The following GALNT15 variants were observed in gnomAD, a reference collection of about 807,000 sequenced individuals.
The protein encoded by GALNT15 is polypeptide N-acetylgalactosaminyltransferase 15.
Under a neutral mutation model 66.8 loss-of-function variants are expected in GALNT15, and 67 were observed. That is an observed-to-expected ratio of 1.00 (90% CI 0.82 to 1.23). The LOEUF is 1.23. Among genes scored for constraint, GALNT15 ranks in the 50% most tolerant of loss-of-function variants. The pLI, the probability that GALNT15 is intolerant of heterozygous loss-of-function variation, is 0.00. For missense variants in GALNT15, 827 were observed against 804.3 expected, an observed-to-expected ratio of 1.03 and a Z score of -0.34; for synonymous variants, 313 against 311.5, an observed-to-expected ratio of 1.00 and a Z score of -0.05.
downstream of GALNT15, among the ~76,000 whole-genome samples, chr3:16,234,198 A>G (rs566688910): frequency 1.4e-4 from 21 of 152,240 alleles, no homozygotes; most frequent in South Asian, 4.1e-3. Flanking sequence ...ATCCTCTAAC[A>G]CCAGAGGCTA....
intron 6 of GALNT15, among the ~76,000 whole-genome samples, chr3:16,214,703 A>G (rs1414932367): frequency 6.6e-6 from 1 of 152,158 alleles, no homozygotes; most frequent in Non-Finnish European, 1.5e-5. Context: ...AGAGTGATTC[A>G]TCCTAGACAG....
chr3:16,225,670 G>A lies in GALNT15; in HGVS notation c.1774-1684G>A, dbSNP rs549654443. Among the ~76,000 whole-genome samples the A allele has an allele frequency of 6.6e-6, 1 of 152,010 alleles. No homozygotes were observed. Among genetic ancestry groups the A allele is most frequent in the Non-Finnish European group, 1.5e-5 (1 of 68,014 alleles). On this transcript the variant is annotated intron_variant, in intron 9 of 9. Coordinates refer to ENST00000339732, the MANE Select transcript of GALNT15 (RefSeq NM_054110.5). The surrounding 1 kb of genome is among the most constrained non-coding windows in gnomAD (Gnocchi z 4.4). ...AGATCGTGCCACTGTACTCCAGCCT[G>A]GGTGACAGAGAGAGACTGTCTCAAA...
downstream of GALNT15, among the ~76,000 whole-genome samples, chr3:16,234,838 A>G (rs1378663156): frequency 6.6e-6 from 1 of 152,008 alleles, no homozygotes; most frequent in Non-Finnish European, 1.5e-5. Context: ...TACAAACTGC[A>G]AGGCCACAGT....
Position 16,219,588 on chromosome 3 carries a change from G to T in GALNT15, c.1524+54G>T. On this transcript the variant is annotated intron_variant, in intron 7 of 9. Coordinates refer to ENST00000339732, the MANE Select transcript of GALNT15 (RefSeq NM_054110.5). The surrounding 1 kb of genome is among the most constrained non-coding windows in gnomAD (Gnocchi z 4.3). ...GGGACAGGGAAGCTTCCCAAGACAAGAACTAGATGTTCAGCTCTTCCATGT... is the reference window on the plus strand; with the variant it reads ...GGGACAGGGAAGCTTCCCAAGACAATAACTAGATGTTCAGCTCTTCCATGT... 1 of 1,598,858 alleles carries T rather than the reference G, an allele frequency of 6.3e-7. No homozygotes were observed.
chr3:16,232,469 A>AATATATATATAT (rs374444719), downstream of GALNT15, among the ~76,000 whole-genome samples: 26 of 38,738 alleles, frequency 6.7e-4, no homozygotes, highest in South Asian at 2.5e-3. Context: ...TAAATAAATA[A>AATATATATATAT]ATATATATAT....
rs149803620 is a variant in GALNT15, at chr3:16,212,687, G to A, written c.1316G>A (p.Arg439His). ...DQEATLRNRV[R>H]IAETWLGSFK... ...GAGGCCACCCTGAGGAACAGGGTTC[G>A]CATTGCTGAGACCTGGCTGGGGTCA... Residue 439 changes from arginine (R) to histidine (H), a missense_variant, in exon 6 of 10, where the codon CGC (arginine) becomes CAC (histidine). By Grantham distance (29) the Arg-to-His change is conservative (BLOSUM62 0). Transcript: ENST00000339732. The A allele has an allele frequency of 4.2e-5, 68 of 1,613,928 alleles. No homozygotes were observed. Among genetic ancestry groups the A allele is most frequent in the South Asian group, 6.6e-5 (6 of 91,078 alleles).
downstream of GALNT15, among the ~76,000 whole-genome samples, chr3:16,236,701 G>A (rs1241354127): frequency 6.6e-6 from 1 of 152,190 alleles, no homozygotes; most frequent in Admixed American, 6.5e-5. Flanking sequence ...TTCTCATTAT[G>A]AGCACACTCC....
chr3:16,214,597 G>A (rs2063853262), intron 6 of GALNT15, among the ~76,000 whole-genome samples: 1 of 151,826 alleles, frequency 6.6e-6, no homozygotes, highest in South Asian at 2.1e-4. Context: ...CCAGGCCCTG[G>A]GTGGGTCCTG....
At chr3:16,178,007 T>C (rs1458962402) in intron 1 of GALNT15, among the ~76,000 whole-genome samples, 1 of 152,180 alleles carries the variant, frequency 6.6e-6, no homozygotes, top group Non-Finnish European at 1.5e-5. Flanking sequence ...ATTGCGTATC[T>C]TGTGCATGTG....
Position 16,188,275 on chromosome 3 carries a change from C to T in GALNT15, c.540-7485C>T, listed in dbSNP as rs189556096. 1.5e-3 allele frequency among the ~76,000 whole-genome samples: 226 copies of T among 152,330 alleles called. 2 individuals are homozygous for T. Among genetic ancestry groups the T allele is most frequent in the African/African-American group, 4.5e-3 (188 of 41,566 alleles). The stretch of plus-strand genomic sequence containing the variant: ...CCCCAGTGGTGGAAGTGAGAAGTTA[C>T]AGGAACTCAGTTGGCACAAAATGGC... On this transcript the variant is annotated intron_variant, in intron 1 of 9. Coordinates refer to ENST00000339732, the MANE Select transcript of GALNT15 (RefSeq NM_054110.5). This position sits in a 1 kb window ranked among gnomAD's most constrained non-coding sequence, Gnocchi z 4.6.
chr3:16,244,571 G>A, the GALNT15 span, among the ~76,000 whole-genome samples: 1 of 152,238 alleles, frequency 6.6e-6, no homozygotes, highest in African/African-American at 2.4e-5. Flanking sequence ...AGTCAGCACA[G>A]TTGGGGTACA....
intron 6 of GALNT15, among the ~76,000 whole-genome samples, chr3:16,218,337 A>G (rs1407302804): frequency 6.6e-6 from 1 of 152,134 alleles, no homozygotes; most frequent in African/African-American, 2.4e-5. Flanking sequence ...TCCTCTCCCC[A>G]TGCCAGGAAA....
rs1559680534 is a variant in GALNT15 at position 16,195,812 on chromosome 3, T to C, written c.592T>C (p.Cys198Arg). 1 of 1,614,014 alleles carries C rather than the reference T, an allele frequency of 6.2e-7. No homozygotes were observed. Among genetic ancestry groups the C allele is most frequent in the Non-Finnish European group, 8.5e-7 (1 of 1,179,916 alleles). ...DSLPTASVIL[C>R]FHDEAWSTLL... The stretch of plus-strand genomic sequence containing the variant: ...CCTGCCCACAGCCAGCGTCATCCTC[T>C]GTTTCCATGATGAGGCCTGGTCCAC... Residue 198 changes from cysteine to arginine, a missense_variant, in exon 2 of 10, where the codon TGT (cysteine) becomes CGT (arginine). Physicochemically the swap from Cys to Arg is radical, Grantham distance 180 (BLOSUM62 -3). Transcript: ENST00000339732. This position sits in a 1 kb window ranked among gnomAD's most constrained non-coding sequence, Gnocchi z 4.6.
chr3:16,174,736 G>A lies in GALNT15; in HGVS notation c.-416G>A, dbSNP rs946419072. 9.8e-5 allele frequency: 18 copies of A among 183,510 alleles called. No individual in the cohort carries two copies. Among genetic ancestry groups the A allele is most frequent in the African/African-American group, 4.0e-4 (17 of 42,876 alleles). 11.4% of individuals were successfully genotyped at this position (183,510 alleles called of 1,614,324 possible). On this transcript the variant is annotated 5_prime_UTR_variant, in exon 1 of 10. Transcript: ENST00000339732. This position sits in a 1 kb window ranked among gnomAD's most constrained non-coding sequence, Gnocchi z 4.7. ...CCAAAGAGGGACGGCTGTCAGCCCT[G>A]CTTGACTGAGAACCCACCAGCTCAT...
Position 16,176,187 on chromosome 3 carries a change from C to T in GALNT15, c.539+497C>T, listed in dbSNP as rs572903251. ...GGATCAAAATAACAATTGCAGTTTA[C>T]ATTTAGGGGGCTCTTCCCATGCGTC... On this transcript the variant is annotated intron_variant, in intron 1 of 9. Transcript: ENST00000339732. This position sits in a 1 kb window ranked among gnomAD's most constrained non-coding sequence, Gnocchi z 5.6. Among the ~76,000 whole-genome samples, 1 of 152,280 alleles carries T rather than the reference C, an allele frequency of 6.6e-6. No homozygotes were observed. Among genetic ancestry groups the T allele is most frequent in the South Asian group, 2.1e-4 (1 of 4,824 alleles).
the GALNT15 span, among the ~76,000 whole-genome samples, chr3:16,239,712 C>T: frequency 2.0e-5 from 3 of 152,158 alleles, no homozygotes; most frequent in Admixed American, 2.0e-4. The surrounding 1 kb of genome is among the most constrained non-coding windows in gnomAD (Gnocchi z 5.2). Context: ...AACTCTTTCA[C>T]TTTATTCTTG....
chr3:16,225,339 T>TTA lies in GALNT15; in HGVS notation c.1774-2015_1774-2014insTA, dbSNP rs2063994471. On this transcript the variant is annotated intron_variant, in intron 9 of 9. Transcript: ENST00000339732. This position sits in a 1 kb window ranked among gnomAD's most constrained non-coding sequence, Gnocchi z 4.4. Reference sequence around the variant, plus strand: ...CCAACATCCAAACTATATCAACTACTAAACTTTACACTTAAAAATGCCTAA... The same window carrying TTA: ...CCAACATCCAAACTATATCAACTACTTAAAACTTTACACTTAAAAATGCCTAA... 6.6e-6 allele frequency among the ~76,000 whole-genome samples: 1 copy of TTA among 152,232 alleles called. No individual in the cohort carries two copies. The highest frequency in any genetic ancestry group is 1.5e-5 in the Non-Finnish European group (1 of 68,042).
intron 9 of GALNT15, 40 bp downstream of exon 9, chr3:16,222,798 G>T: frequency 6.2e-7 from 1 of 1,607,450 alleles, no homozygotes; most frequent in Non-Finnish European, 8.5e-7. Context: ...AGTGCTGCTG[G>T]TCAGAAGGAA....
Position 16,187,064 on chromosome 3 carries a change from G to C in GALNT15, c.540-8696G>C, listed in dbSNP as rs997926243. On this transcript the variant is annotated intron_variant, in intron 1 of 9. Coordinates refer to ENST00000339732, the MANE Select transcript of GALNT15 (RefSeq NM_054110.5). The surrounding 1 kb of genome is among the most constrained non-coding windows in gnomAD (Gnocchi z 5.1). ...GTGGATCATGAGGTCAGGAGTTCAA[G>C]ACCAGCCTGACCAACATGGTGAAAC... Among the ~76,000 whole-genome samples the C allele has an allele frequency of 6.6e-6, 1 of 152,134 alleles. No individual in the cohort carries two copies. The highest frequency in any genetic ancestry group is 2.4e-5 in the African/African-American group (1 of 41,430).
Sources: gnomAD v4.1 joint callset for allele counts (sites outside exome capture counted in the v4.1 genomes callset) on GRCh38, gnomAD v4.1.1 for gene constraint, Gnocchi (gnomAD v3.1) non-coding constraint, MANE v1.5 for transcripts, NCBI Gene and HGNC (gene_info 2026-07-23, HGNC 2026-07-21) for gene names.